The following DYNC1H1 variants were observed in gnomAD, a reference collection of about 807,000 sequenced individuals.
The protein encoded by DYNC1H1 is cytoplasmic dynein 1 heavy chain 1.
A neutral mutation model predicts 527.1 loss-of-function variants in DYNC1H1; 51 were observed. The ratio of observed to expected loss-of-function variants is 0.10; its 90% CI spans 0.08 to 0.12. The LOEUF (loss-of-function observed/expected upper bound fraction) is 0.12. Among genes scored for constraint, DYNC1H1 ranks in the 10% least tolerant of loss-of-function variants. DYNC1H1 has a pLI of 1.00. For synonymous variants in DYNC1H1, 2,189 were observed against 2,278.8 expected (o/e 0.96, Z 1.12); for missense variants, 2,771 against 5,971.8 (o/e 0.46, Z 17.66).
Position 102,017,060 on chromosome 14 carries a change from A to T in DYNC1H1, c.7849-28A>T. 1 of 1,614,246 alleles carries T rather than the reference A, an allele frequency of 6.2e-7. No homozygotes were observed. The highest frequency in any genetic ancestry group is 8.5e-7 in the Non-Finnish European group (1 of 1,180,038). ...GTGCTGAGCATGGGGTTGGTCTTAC[A>T]GTGTGGTTTTGTGTCTTCCCTCCAA... On this transcript the variant is annotated intron_variant, in intron 38 of 77. Coordinates refer to ENST00000360184, the MANE Select transcript of DYNC1H1 (RefSeq NM_001376.5). The surrounding 1 kb of genome is among the most constrained non-coding windows in gnomAD (Gnocchi z 4.6).
In DYNC1H1 at chr14:102,001,124, C is replaced by T. The variant is rs780149830; in HGVS notation, c.4186-21C>T. ...ATTAGAAACGCACCTGCACAGATCA[C>T]TTTGTTTACTTTCTCCACAGATAAA... On this transcript the variant is annotated intron_variant, in intron 19 of 77. Coordinates refer to ENST00000360184, the MANE Select transcript of DYNC1H1 (RefSeq NM_001376.5). This position sits in a 1 kb window ranked among gnomAD's most constrained non-coding sequence, Gnocchi z 5.0. The T allele has an allele frequency of 2.0e-5, 32 of 1,614,072 alleles. No individual in the cohort carries two copies. The highest frequency in any genetic ancestry group is 2.5e-5 in the Non-Finnish European group (30 of 1,180,038).
At chr14:101,982,937 G>A in intron 5 of DYNC1H1, 82 bp from the exon 6 acceptor site, 2 of 1,513,410 alleles carry the variant, frequency 1.3e-6, no homozygotes, top group Non-Finnish European at 1.8e-6. Context: ...ACATCAAAAT[G>A]TTCCATTGTA....
chr14:102,039,308 C>G lies in DYNC1H1; in HGVS notation c.11460+54C>G. 6.2e-7 allele frequency: 1 copy of G among 1,611,320 alleles called. No individual in the cohort carries two copies. The stretch of plus-strand genomic sequence containing the variant: ...CGGGCCCCGCACAGTAGCTCCTTGG[C>G]CGCACAGAGGCTGGCGGGCCCTGCA... On this transcript the variant is annotated intron_variant, in intron 60 of 77. Transcript: ENST00000360184. This position sits in a 1 kb window ranked among gnomAD's most constrained non-coding sequence, Gnocchi z 7.0.
rs996722048 is a variant in DYNC1H1, at chr14:102,003,357, G to A, written c.4883+392G>A. Among the ~76,000 whole-genome samples the A allele has an allele frequency of 2.0e-5, 3 of 151,668 alleles. No homozygotes were observed. The South Asian group carries it at 6.2e-4, about 32-fold the overall frequency. ...GCTCACTGCAACCTCCTCCTCCCAG[G>A]TTCAAGTGATTCTCTTTCCTCAGCC... On this transcript the variant is annotated intron_variant, in intron 23 of 77. Transcript: ENST00000360184.
intron 29 of DYNC1H1, 128 bp from the exon 30 acceptor site, chr14:102,009,715 C>A: frequency 6.8e-7 from 1 of 1,469,968 alleles, no homozygotes. Flanking sequence ...GAGCAGCCCC[C>A]GAGGAAGCGT....
chr14:102,037,609 A>C (rs1391509303), intron 57 of DYNC1H1: 1 of 152,328 alleles, frequency 6.6e-6, no homozygotes, highest in Non-Finnish European at 1.5e-5. Flanking sequence ...ACATGGACAC[A>C]CAGAGGAACA....
chr14:102,031,961 T>C (rs113263353), intron 51 of DYNC1H1, among the ~76,000 whole-genome samples: 2,472 of 152,224 alleles, frequency 0.016, 17 homozygotes, highest in Non-Finnish European at 0.025. Flanking sequence ...CTCAAATAAA[T>C]AGTAAATATA....
intron 43 of DYNC1H1, chr14:102,023,205 A>T: frequency 2.6e-6 from 1 of 378,026 alleles, no homozygotes; most frequent in Non-Finnish European, 5.1e-6. Flanking sequence ...TCACACCACC[A>T]TACTGCAGCC....
chr14:101,984,448 ATATT>A (rs2047908481), intron 7 of DYNC1H1, among the ~76,000 whole-genome samples: 4 of 89,132 alleles, frequency 4.5e-5, no homozygotes, highest in East Asian at 2.9e-4. Flanking sequence ...TATATATATT[ATATT>A]TTTTTTTTTT....
rs1390087475 is a variant in DYNC1H1 at position 102,044,835 on chromosome 14, G to A, written c.13006+137G>A. On this transcript the variant is annotated intron_variant, in intron 72 of 77. Transcript: ENST00000360184. The surrounding 1 kb of genome is among the most constrained non-coding windows in gnomAD (Gnocchi z 7.1). ...GCCCTCCCTGGTTATGCTGGGTGTG[G>A]CTCTGTCAGCCTCGGCCTTCCTGCC... The A allele has an allele frequency of 5.9e-6, 6 of 1,024,236 alleles. No homozygotes were observed. In the Admixed American group the frequency reaches 6.2e-5, roughly 11 times the overall value. 63.4% of individuals were successfully genotyped at this position (1,024,236 alleles called of 1,614,324 possible).
At position 102,010,820 on chromosome 14, in the gene DYNC1H1, G is replaced by C; in HGVS notation, c.6486G>C (p.Ser2162=). Residue 2162 remains serine (S), a synonymous_variant, in exon 32 of 78, where the codon TCG becomes TCC. Coordinates refer to ENST00000360184, the MANE Select transcript of DYNC1H1 (RefSeq NM_001376.5). The surrounding 1 kb of genome is among the most constrained non-coding windows in gnomAD (Gnocchi z 6.0). ...EDIPLLFSLL[S]DVFPGVQYHR... is the part of the protein sequence containing the mutation. ...TCCCGCTGCTCTTCAGCCTCCTGTC[G>C]GACGTGTTCCCTGGAGTCCAGTATC... 6.2e-7 allele frequency: 1 copy of C among 1,614,210 alleles called. No homozygotes were observed. The highest frequency in any genetic ancestry group is 1.3e-5 in the African/African-American group (1 of 75,072).
rs2048819789 is a variant in DYNC1H1 at position 102,052,131 on chromosome 14, A to T, written c.*1568A>T. The T allele has an allele frequency of 6.6e-6, 1 of 151,496 alleles. No individual in the cohort carries two copies. Among genetic ancestry groups the T allele is most frequent in the African/African-American group, 2.4e-5 (1 of 41,172 alleles). 9.4% of individuals were successfully genotyped at this position (151,496 alleles called of 1,614,324 possible). On this transcript the variant is annotated 3_prime_UTR_variant, in exon 78 of 78. Coordinates refer to ENST00000360184, the MANE Select transcript of DYNC1H1 (RefSeq NM_001376.5). ...GTGTGAGTCACCGAGTTGAGCCCCT[A>T]AACACATGTTTTTCTTTTTAGAGAC...
At chr14:101,999,199 CAG>C (rs2048102848) in intron 16 of DYNC1H1, among the ~76,000 whole-genome samples, 1 of 151,818 alleles carries the variant, frequency 6.6e-6, no homozygotes, top group Non-Finnish European at 1.5e-5. Context: ...TTTTTTGAGG[CAG>C]AGTCTCACTG....
intron 10 of DYNC1H1, 54 bp from the exon 11 acceptor site, chr14:101,991,472 AT>A: frequency 3.1e-6 from 5 of 1,608,944 alleles, no homozygotes; most frequent in Non-Finnish European, 3.4e-6. Flanking sequence ...TCTTAAAAAA[AT>A]TTTTTTTATT....
At position 102,044,244 on chromosome 14, in the gene DYNC1H1, C is replaced by T; in HGVS notation, c.12685-30C>T. 6.2e-7 allele frequency: 1 copy of T among 1,612,990 alleles called. No individual in the cohort carries two copies. Among genetic ancestry groups the T allele is most frequent in the Non-Finnish European group, 8.5e-7 (1 of 1,179,768 alleles). On this transcript the variant is annotated intron_variant, in intron 70 of 77. Transcript: ENST00000360184. This position sits in a 1 kb window ranked among gnomAD's most constrained non-coding sequence, Gnocchi z 7.1. ...CCCCGGGCCTGCCCGCCTCTGACCA[C>T]ACACACGAACCCTGCTTTTCCTCCC...
Position 102,039,737 on chromosome 14 carries a change from G to A in DYNC1H1, c.11690+5G>A, listed in dbSNP as rs1336913296. 3.1e-6 allele frequency: 5 copies of A among 1,614,060 alleles called. No homozygotes were observed. The highest frequency in any genetic ancestry group is 1.3e-5 in the African/African-American group (1 of 74,936). ...CAAACTGAAGGGCACCGTGGGGTAA[G>A]AGCACTCACGCCCACAGGAGGATGC... On this transcript the variant is annotated splice_donor_5th_base_variant and intron_variant, in intron 62 of 77. Coordinates refer to ENST00000360184, the MANE Select transcript of DYNC1H1 (RefSeq NM_001376.5). This position sits in a 1 kb window ranked among gnomAD's most constrained non-coding sequence, Gnocchi z 7.0.
rs1269839971 is a variant in DYNC1H1, at chr14:101,991,648, C to T, written c.2990C>T (p.Pro997Leu). ...FAWKMVVLSL[P>L]RIQSQRYQVG... Reference sequence around the variant, plus strand: ...TGGAAGATGGTTGTACTGTCTCTCCCCAGGATCCAGAGTCAGAGGTACCAG... The same window carrying T: ...TGGAAGATGGTTGTACTGTCTCTCCTCAGGATCCAGAGTCAGAGGTACCAG... The change falls in exon 11 of 78, where the codon CCC becomes CTC. Residue 997 changes from proline (P) to leucine (L), a missense_variant. Around this residue, in one of 32 missense-constraint regions of DYNC1H1, gnomAD observed 179 missense variants for 349.4 expected, o/e 0.51. Transcript: ENST00000360184. The T allele has an allele frequency of 6.2e-7, 1 of 1,614,148 alleles. No individual in the cohort carries two copies.
chr14:102,040,664 A>T lies in DYNC1H1; in HGVS notation c.11932A>T (p.Thr3978Ser), dbSNP rs1262882387. 6.2e-7 allele frequency: 1 copy of T among 1,614,058 alleles called. No individual in the cohort carries two copies. Among genetic ancestry groups the T allele is most frequent in the African/African-American group, 1.3e-5 (1 of 74,930 alleles). The part of the protein sequence containing the change: ...QTVPYLWSEE[T>S]PATPIGQAIH... ...TGTGCCCTACCTCTGGAGTGAAGAA[A>T]CACCTGCAAGTAAGCCCCACTGTGG... Residue 3978 changes from threonine to serine, a missense_variant, in exon 64 of 78, where the codon ACA (threonine) becomes TCA (serine). Transcript: ENST00000360184.
rs544250940 is a variant in DYNC1H1 at position 101,982,570 on chromosome 14, C to T, written c.962-449C>T. On this transcript the variant is annotated intron_variant, in intron 5 of 77. Transcript: ENST00000360184. ...TCACCCCACTGCACTCCAGCTTGGG[C>T]GACAGAGCAAAACTCCGTCTCAAAA... 7.9e-5 allele frequency among the ~76,000 whole-genome samples: 12 copies of T among 151,934 alleles called. No individual in the cohort carries two copies. The East Asian group carries it at 1.9e-3, about 24-fold the overall frequency.
Sources: allele counts gnomAD v4.1 joint callset (sites outside exome capture counted in the v4.1 genomes callset), GRCh38; gene constraint gnomAD v4.1.1; regional missense constraint gnomAD v4.1.1; non-coding constraint Gnocchi (gnomAD v3.1); transcripts MANE v1.5; gene names NCBI Gene and HGNC (gene_info 2026-07-23, HGNC 2026-07-21).